The following MALRD1 variants were observed in gnomAD, a reference collection of about 807,000 sequenced individuals.
MALRD1 encodes the protein MAM and LDL-receptor class A domain-containing protein 1.
A neutral mutation model predicts 242.1 loss-of-function variants in MALRD1; 247 were observed. The ratio of observed to expected loss-of-function variants is 1.02; its 90% CI spans 0.92 to 1.13. MALRD1 has a LOEUF of 1.13. MALRD1 is among the 50% of genes most tolerant of loss of function. The pLI, the probability that MALRD1 is intolerant of heterozygous loss-of-function variation, is 0.00. For missense variants in MALRD1, 2,989 were observed against 2,533.1 expected (o/e 1.18, Z -3.86); for synonymous variants, 995 against 866.6 (o/e 1.15, Z -2.60).
At chr10:19,167,358 T>TA (rs1486796776) in intron 13 of MALRD1, among the ~76,000 whole-genome samples, 1 of 151,830 alleles carries the variant, frequency 6.6e-6, no homozygotes, top group Non-Finnish European at 1.5e-5. Flanking sequence ...GACTCCATCT[T>TA]AAAAAAACAA....
At chr10:19,429,072 T>C (rs1048481607) in intron 28 of MALRD1, among the ~76,000 whole-genome samples, 1 of 152,258 alleles carries the variant, frequency 6.6e-6, no homozygotes, top group Non-Finnish European at 1.5e-5. Context: ...ATGGTATGTG[T>C]ACTATAAGAA....
chr10:19,101,979 A>T (rs1002768912), intron 4 of MALRD1, among the ~76,000 whole-genome samples: 1 of 104,324 alleles, frequency 9.6e-6, no homozygotes, highest in African/African-American at 3.2e-5. Context: ...TAATTTATAT[A>T]TGTTATAATA....
chr10:19,477,625 G>A (rs56829159), intron 29 of MALRD1, among the ~76,000 whole-genome samples: 49,226 of 151,970 alleles, frequency 0.32, 8,600 homozygotes, highest in East Asian at 0.43. Context: ...GGTTTAATAG[G>A]CGAAAGAAGG....
Position 19,219,327 on chromosome 10 carries a change from A to C in MALRD1, c.2991+9647A>C, listed in dbSNP as rs181159917. On this transcript the variant is annotated intron_variant, in intron 18 of 39. Transcript: ENST00000454679. ...ACTAATGCAATAATATACCATATTA[A>C]ATTATTAAATGGTAAATTTGTCTTA... Among the ~76,000 whole-genome samples the C allele has an allele frequency of 4.3e-3, 652 of 152,332 alleles. 5 individuals are homozygous for C. The highest frequency in any genetic ancestry group is 0.014 in the African/African-American group (595 of 41,584).
Position 19,692,509 on chromosome 10 carries a change from C to A in MALRD1, c.6269C>A (p.Thr2090Lys). The change falls in exon 38 of 40, where the codon ACA (threonine) becomes AAA (lysine). Residue 2090 changes from threonine (T) to lysine (K), a missense_variant. Coordinates refer to ENST00000454679, the MANE Select transcript of MALRD1 (RefSeq NM_001142308.3). Reference sequence around the variant, plus strand: ...TTAGCATTCCTGATGACTCACATCACAGTTGCAGTCTTGTGTTTTCTTGCA... The same window carrying A: ...TTAGCATTCCTGATGACTCACATCAAAGTTGCAGTCTTGTGTTTTCTTGCA... ...IGLAFLMTHI[T>K]VAVLCFLANR... 1 of 1,535,952 alleles carries A rather than the reference C, an allele frequency of 6.5e-7. No individual in the cohort carries two copies.
At chr10:19,693,643 A>G (rs1444430966) in intron 38 of MALRD1, among the ~76,000 whole-genome samples, 1 of 152,198 alleles carries the variant, frequency 6.6e-6, no homozygotes, top group African/African-American at 2.4e-5. Context: ...GAAAATGGCC[A>G]TGCTGCCCAA....
intron 31 of MALRD1, among the ~76,000 whole-genome samples, chr10:19,501,093 A>G (rs1009982857): frequency 4.6e-5 from 7 of 152,176 alleles, no homozygotes; most frequent in African/African-American, 7.2e-5. Context: ...AGGCTGGTCA[A>G]ATTAGACCCT....
chr10:19,451,395 T>C (rs976115003), intron 29 of MALRD1, among the ~76,000 whole-genome samples: 8 of 152,116 alleles, frequency 5.3e-5, no homozygotes, highest in African/African-American at 1.9e-4. Flanking sequence ...AAATGAGAAG[T>C]ATAACTACAC....
chr10:19,476,709 C>A (rs1006799361), intron 29 of MALRD1, among the ~76,000 whole-genome samples: 10 of 152,172 alleles, frequency 6.6e-5, no homozygotes, highest in African/African-American at 2.4e-4. Flanking sequence ...GATATACATT[C>A]ATTTTGTGTT....
chr10:19,488,117 T>C (rs1428787484), intron 29 of MALRD1, among the ~76,000 whole-genome samples: 1 of 152,216 alleles, frequency 6.6e-6, no homozygotes, highest in African/African-American at 2.4e-5. Flanking sequence ...AAACCTTTAA[T>C]ATAAGTCACT....
At chr10:19,193,108 T>C (rs1023848580) in intron 14 of MALRD1, among the ~76,000 whole-genome samples, 3 of 152,206 alleles carry the variant, frequency 2.0e-5, no homozygotes, top group African/African-American at 4.8e-5. Flanking sequence ...TTCAAATATT[T>C]CTTCAGTTCC....
At chr10:19,625,060 A>AAGAGAGAGAG (rs3069631) in intron 36 of MALRD1, among the ~76,000 whole-genome samples, 1 of 148,516 alleles carries the variant, frequency 6.7e-6, no homozygotes, top group African/African-American at 2.5e-5. Context: ...CTATTTTAAA[A>AAGAGAGAGAG]AGAGAGAGAG....
At chr10:19,268,000 C>T (rs1393980989) in intron 19 of MALRD1, among the ~76,000 whole-genome samples, 3 of 152,060 alleles carry the variant, frequency 2.0e-5, no homozygotes, top group Admixed American at 2.0e-4. Flanking sequence ...AAATTATTCA[C>T]TTATTTTAAA....
At chr10:19,262,462 C>G (rs1839791767) in intron 19 of MALRD1, among the ~76,000 whole-genome samples, 1 of 151,874 alleles carries the variant, frequency 6.6e-6, no homozygotes, top group Admixed American at 6.6e-5. Flanking sequence ...TCAACACCAG[C>G]CTGGTCAACA....
At chr10:19,690,039 T>C (rs1842753763) in intron 36 of MALRD1, among the ~76,000 whole-genome samples, 2 of 152,074 alleles carry the variant, frequency 1.3e-5, no homozygotes, top group Non-Finnish European at 2.9e-5. Flanking sequence ...TGTTTCAAGA[T>C]GGCAGGCTGA....
intron 1 of MALRD1, among the ~76,000 whole-genome samples, chr10:19,052,326 G>A (rs911943245): frequency 2.2e-4 from 34 of 152,096 alleles, no homozygotes; most frequent in Non-Finnish European, 4.1e-4. Context: ...CCCATTCAAA[G>A]GAAATTTATC....
At chr10:19,650,723 C>T (rs80191360) in intron 36 of MALRD1, among the ~76,000 whole-genome samples, 3,354 of 152,260 alleles carry the variant, frequency 0.022, 65 homozygotes, top group African/African-American at 0.047. Context: ...GCAGCCTGAA[C>T]TAATGTCTCT....
chr10:19,331,227 T>A lies in MALRD1; in HGVS notation c.3688-142T>A, dbSNP rs186626414. ...TAAATTTCCTGGGTCACTTTCAACA[T>A]AGGGACATAAAAAACAAAAACAAAA... is the stretch of plus-strand genomic sequence containing the variant. On this transcript the variant is annotated intron_variant, in intron 23 of 39. Transcript: ENST00000454679. 2.1e-5 allele frequency: 15 copies of A among 702,306 alleles called. No individual in the cohort carries two copies. The South Asian group carries it at 2.8e-4, about 13-fold the overall frequency. The allele number at this position is 702,306 out of a possible 1,614,324, so 43.5% of individuals were successfully genotyped here.
chr10:19,534,969 TCCGCCTC>T (rs1834593596), intron 32 of MALRD1, among the ~76,000 whole-genome samples: 1 of 152,014 alleles, frequency 6.6e-6, no homozygotes, highest in Non-Finnish European at 1.5e-5. Flanking sequence ...CGCTGCAACC[TCCGCCTC>T]CCTGGTTCAA....
Sources: gnomAD v4.1 joint callset for allele counts (sites outside exome capture counted in the v4.1 genomes callset) on GRCh38, gnomAD v4.1.1 for gene constraint, MANE v1.5 for transcripts, NCBI Gene and HGNC (gene_info 2026-07-23, HGNC 2026-07-21) for gene names.